ASTN1: variants seen among roughly 807,000 people sequenced by gnomAD.
ASTN1 encodes astrotactin-1.
ASTN1 carries 41 observed loss-of-function variants against 140.7 expected under a neutral mutation model. That is an observed-to-expected ratio of 0.29 (90% CI 0.23 to 0.38). The LOEUF is 0.38. Ranked by LOEUF, ASTN1 falls within the 10% of genes least tolerant of loss-of-function variation. The probability of loss-of-function intolerance (pLI) is 1.00; values close to 1 mark genes in which losing one functional copy is unlikely to be tolerated. For missense variants in ASTN1, 1,479 were observed against 1,678.8 expected, an observed-to-expected ratio of 0.88 and a Z score of 2.08; for synonymous variants, 640 against 652.2, an observed-to-expected ratio of 0.98 and a Z score of 0.29.
rs111341594 is a variant in ASTN1, at chr1:177,120,392, C to T, written c.283+44002G>A. Among the ~76,000 whole-genome samples the T allele has an allele frequency of 2.9e-3, 435 of 152,264 alleles. 1 individual carries two copies. Among genetic ancestry groups the T allele is most frequent in the African/African-American group, 9.9e-3 (413 of 41,570 alleles). ...TGCTTGCCCTCTGGTCACAGAAAGGCTTTCTCCTCACCTCACGCATCCCAA... is the reference window on the plus strand; with the variant it reads ...TGCTTGCCCTCTGGTCACAGAAAGGTTTTCTCCTCACCTCACGCATCCCAA... On this transcript the variant is annotated intron_variant, in intron 1 of 22. Coordinates refer to ENST00000361833, the MANE Select transcript of ASTN1 (RefSeq NM_004319.3).
intron 8 of ASTN1, among the ~76,000 whole-genome samples, chr1:176,992,241 CA>C (rs1674217340): frequency 6.6e-6 from 1 of 152,092 alleles, no homozygotes; most frequent in African/African-American, 2.4e-5. Context: ...CAACAAATGG[CA>C]GCTATTTCTG....
At chr1:176,965,111 G>C in intron 9 of ASTN1, 52 bp downstream of exon 9, 1 of 1,545,752 alleles carries the variant, frequency 6.5e-7, no homozygotes, top group Non-Finnish European at 8.9e-7. Context: ...CGGGGGAAGC[G>C]GAACACAGGG....
At chr1:177,100,606 A>G (rs551581498) in intron 1 of ASTN1, among the ~76,000 whole-genome samples, 6 of 152,294 alleles carry the variant, frequency 3.9e-5, no homozygotes, top group Non-Finnish European at 7.4e-5. Context: ...TTAGGATGAG[A>G]CAAAATTACC....
At position 177,164,437 on chromosome 1, in the gene ASTN1, C is replaced by T. The variant is rs931135746; in HGVS notation, c.240G>A (p.Val80=). 3 of 1,613,184 alleles carry T rather than the reference C, an allele frequency of 1.9e-6. No homozygotes were observed. Among genetic ancestry groups the T allele is most frequent in the Non-Finnish European group, 1.7e-6 (2 of 1,179,588 alleles). Residue 80 remains valine, a synonymous_variant, in exon 1 of 23, where the codon GTG becomes GTA. Coordinates refer to ENST00000361833, the MANE Select transcript of ASTN1 (RefSeq NM_004319.3). ...VRNDFPGEMV[V]VDDLENTELP... is the part of the protein sequence containing the mutation. ...GCTCCGTGTTCTCCAGGTCGTCCAC[C>T]ACGACCATTTCTCCCGGGAAGTCGT...
At chr1:176,985,323 C>G (rs961412748) in intron 8 of ASTN1, among the ~76,000 whole-genome samples, 3 of 152,268 alleles carry the variant, frequency 2.0e-5, no homozygotes, top group African/African-American at 2.4e-5. Context: ...AGTCCTCCCC[C>G]AGCACTGCCC....
intron 16 of ASTN1, among the ~76,000 whole-genome samples, chr1:176,895,977 C>T (rs890092879): frequency 6.6e-6 from 1 of 152,136 alleles, no homozygotes; most frequent in African/African-American, 2.4e-5. Flanking sequence ...ATGAAGAATG[C>T]AATGGACAAT....
At position 176,862,032 on chromosome 1, in the gene ASTN1, G is replaced by A. The variant is rs1387993151; in HGVS notation, c.*2252C>T. On this transcript the variant is annotated 3_prime_UTR_variant, in exon 23 of 23. Transcript: ENST00000361833. ...ACTCAAGCTTAAAACACCGTGTTCT[G>A]CACAGATATGAATAGAAGGATGGCA... is the stretch of plus-strand genomic sequence containing the variant. The A allele has an allele frequency of 8.1e-6, 8 of 985,418 alleles. No individual in the cohort carries two copies. The highest frequency in any genetic ancestry group is 9.6e-6 in the Non-Finnish European group (8 of 829,956). 61.0% of individuals were successfully genotyped at this position (985,418 alleles called of 1,614,324 possible).
intron 8 of ASTN1, among the ~76,000 whole-genome samples, chr1:176,968,975 G>T (rs1673013160): frequency 6.6e-6 from 1 of 152,092 alleles, no homozygotes; most frequent in Admixed American, 6.6e-5. Context: ...AGGGGAGCTT[G>T]GTGCACACAG....
chr1:177,052,130 T>C (rs1677571228), intron 2 of ASTN1, among the ~76,000 whole-genome samples: 1 of 152,198 alleles, frequency 6.6e-6, no homozygotes. Flanking sequence ...CCCAGCTTTG[T>C]AATGGCCCTA....
intron 8 of ASTN1, among the ~76,000 whole-genome samples, chr1:177,008,512 C>CAGGAAGAGAGAGA (rs1558028011): frequency 1.1e-4 from 3 of 27,894 alleles, no homozygotes; most frequent in African/African-American, 3.1e-4. Flanking sequence ...GAAGAGAGAG[C>CAGGAAGAGAGAGA]GGGAGATAGG....
intron 13 of ASTN1, among the ~76,000 whole-genome samples, chr1:176,944,971 C>G (rs1042421720): frequency 6.6e-6 from 1 of 152,192 alleles, no homozygotes; most frequent in Non-Finnish European, 1.5e-5. Flanking sequence ...TATCAGTTTG[C>G]TCATGAGGGT....
chr1:176,964,628 T>C (rs758202817), intron 9 of ASTN1, among the ~76,000 whole-genome samples: 4 of 152,110 alleles, frequency 2.6e-5, no homozygotes, highest in Non-Finnish European at 5.9e-5. Context: ...AGCATCCAAT[T>C]TGATCAGCAA....
At position 176,934,455 on chromosome 1, in the gene ASTN1, G is replaced by A. The variant is rs1671345723; in HGVS notation, c.2483-115C>T. On this transcript the variant is annotated intron_variant, in intron 15 of 22. Transcript: ENST00000361833. ...GCCTGTGTGGCTCAAAGTGATGTGG[G>A]AGAGCTAGCTAGAAGTGTCTGGTGA... is the stretch of plus-strand genomic sequence containing the variant. 2.9e-6 allele frequency: 3 copies of A among 1,041,122 alleles called. No homozygotes were observed. The East Asian group carries it at 7.6e-5, about 27-fold the overall frequency. The allele number at this position is 1,041,122 out of a possible 1,614,324, so 64.5% of individuals were successfully genotyped here.
intron 2 of ASTN1, among the ~76,000 whole-genome samples, chr1:177,038,294 A>G (rs979858797): frequency 5.3e-5 from 8 of 152,150 alleles, no homozygotes; most frequent in Admixed American, 1.3e-4. Flanking sequence ...AAGTACATTT[A>G]CCTTTGATTT....
intron 8 of ASTN1, among the ~76,000 whole-genome samples, chr1:177,005,808 C>T (rs1283414800): frequency 6.6e-6 from 1 of 152,142 alleles, no homozygotes; most frequent in Non-Finnish European, 1.5e-5. Context: ...GGGGTTTCAC[C>T]ATGTTGACCA....
chr1:176,938,489 A>G (rs1671546253), intron 14 of ASTN1, among the ~76,000 whole-genome samples: 1 of 152,244 alleles, frequency 6.6e-6, no homozygotes, highest in Non-Finnish European at 1.5e-5. Context: ...ACAAAGCCTG[A>G]GCTCTAAGGC....
intron 1 of ASTN1, among the ~76,000 whole-genome samples, chr1:177,073,372 C>T (rs1415928912): frequency 6.6e-6 from 1 of 151,854 alleles, no homozygotes; most frequent in African/African-American, 2.4e-5. Context: ...TAAATCATAC[C>T]TTCAGGGTTA....
intron 16 of ASTN1, among the ~76,000 whole-genome samples, chr1:176,905,547 CAAATT>C (rs1286509062): frequency 1.2e-4 from 18 of 152,294 alleles, no homozygotes; most frequent in African/African-American, 4.3e-4. Flanking sequence ...ATTTATTCTG[CAAATT>C]AACTATATCT....
At chr1:176,867,751 T>C (rs531543677) in intron 22 of ASTN1, among the ~76,000 whole-genome samples, 59 of 152,330 alleles carry the variant, frequency 3.9e-4, no homozygotes, top group African/African-American at 1.3e-3. Flanking sequence ...TCTGGGAAAG[T>C]TTATAACTGC....
Sources: allele counts gnomAD v4.1 joint callset (sites outside exome capture counted in the v4.1 genomes callset), GRCh38; gene constraint gnomAD v4.1.1; transcripts MANE v1.5; gene names NCBI Gene and HGNC (gene_info 2026-07-23, HGNC 2026-07-21).